CD163: variants seen among roughly 807,000 people sequenced by gnomAD.
The protein encoded by CD163 is CD163 molecule.
Under a neutral mutation model 129.2 loss-of-function variants are expected in CD163, and 64 were observed. That is an observed-to-expected ratio of 0.50 (90% CI 0.41 to 0.61). The LOEUF is 0.61. Ranked by LOEUF, CD163 falls within the 20% of genes least tolerant of loss-of-function variation. The probability of loss-of-function intolerance (pLI) is 0.00; values close to 1 mark genes in which losing one functional copy is unlikely to be tolerated. For missense variants in CD163, 1,061 were observed against 1,377.9 expected, an observed-to-expected ratio of 0.77 and a Z score of 3.64; for synonymous variants, 446 against 478.5, an observed-to-expected ratio of 0.93 and a Z score of 0.89.
chr12:7,492,799 T>C (rs1261113218), intron 6 of CD163, among the ~76,000 whole-genome samples: 1 of 152,130 alleles, frequency 6.6e-6, no homozygotes, highest in Non-Finnish European at 1.5e-5. Flanking sequence ...GAAAAAACTC[T>C]AAGTATCCTG....
intron 16 of CD163, among the ~76,000 whole-genome samples, chr12:7,474,623 G>C (rs1393125678): frequency 6.6e-6 from 1 of 151,996 alleles, no homozygotes; most frequent in Non-Finnish European, 1.5e-5. Flanking sequence ...ATCAGAAAGT[G>C]GGAAATATTT....
chr12:7,495,972 T>C (rs1949394222), intron 5 of CD163, among the ~76,000 whole-genome samples: 1 of 152,230 alleles, frequency 6.6e-6, no homozygotes, highest in Admixed American at 6.5e-5. Context: ...ATCCCATTAC[T>C]GGGTATATAC....
At chr12:7,488,879 G>T (rs1227125942) in intron 6 of CD163, among the ~76,000 whole-genome samples, 1 of 152,032 alleles carries the variant, frequency 6.6e-6, no homozygotes, top group Non-Finnish European at 1.5e-5. Context: ...ACCTAAAATT[G>T]ACCCACTTTA....
At chr12:7,499,946 A>G (rs1428378764) in intron 3 of CD163, among the ~76,000 whole-genome samples, 1 of 152,204 alleles carries the variant, frequency 6.6e-6, no homozygotes, top group Non-Finnish European at 1.5e-5. Context: ...AAGTTTAGAG[A>G]GATTTGACAA....
At chr12:7,491,346 C>T (rs1949324700) in intron 6 of CD163, among the ~76,000 whole-genome samples, 1 of 152,068 alleles carries the variant, frequency 6.6e-6, no homozygotes, top group Non-Finnish European at 1.5e-5. Flanking sequence ...ACATGTTAAT[C>T]TATCCTATGG....
chr12:7,499,073 A>C lies in CD163; in HGVS notation c.573T>G (p.Asp191Glu), dbSNP rs746176759. The change falls in exon 4 of 17, where the codon GAT (aspartate) becomes GAG (glutamate). Residue 191 changes from aspartate (D) to glutamate (E), a missense_variant. Asp to Glu is a conservative substitution (Grantham distance 45). Transcript: ENST00000432237. ...GTTGTCTACAAATGACAGATGCATGATCTATGTTGAAGTTATCATCACACA... is the reference window on the plus strand; with the variant it reads ...GTTGTCTACAAATGACAGATGCATGCTCTATGTTGAAGTTATCATCACACA... The part of the protein sequence containing the change: ...GTVCDDNFNI[D>E]HASVICRQLE... The C allele has an allele frequency of 6.2e-7, 1 of 1,614,166 alleles. No individual in the cohort carries two copies. Among genetic ancestry groups the C allele is most frequent in the Non-Finnish European group, 8.5e-7 (1 of 1,180,002 alleles).
Position 7,483,586 on chromosome 12 carries a change from A to T in CD163, c.2869T>A (p.Ser957Thr), listed in dbSNP as rs1402852735. 1.1e-5 allele frequency: 18 copies of T among 1,613,612 alleles called. No homozygotes were observed. Among genetic ancestry groups the T allele is most frequent in the Non-Finnish European group, 1.4e-5 (17 of 1,179,938 alleles). Residue 957 changes from serine to threonine, a missense_variant, in exon 12 of 17, where the codon TCT becomes ACT. By Grantham distance (58) the Ser-to-Thr change is moderately conservative (BLOSUM62 1). Coordinates refer to ENST00000432237, the MANE Select transcript of CD163 (RefSeq NM_203416.4). ...ACCTGAGCATCGTCCAAGTCCCAAG[A>T]GTCATCACACACTGTCCCCCAGGAA... ...GGSWGTVCDD[S>T]WDLDDAQVVC...
chr12:7,480,128 G>T, intron 15 of CD163: 2 of 755,996 alleles, frequency 2.6e-6, no homozygotes, highest in Non-Finnish European at 4.1e-6. Flanking sequence ...GGCAGAGAAA[G>T]TCTTTCCTAT....
At position 7,495,375 on chromosome 12, in the gene CD163, T is replaced by C. The variant is rs776483409; in HGVS notation, c.1126A>G (p.Arg376Gly). The C allele has an allele frequency of 6.2e-7, 1 of 1,613,990 alleles. No homozygotes were observed. The highest frequency in any genetic ancestry group is 1.1e-5 in the South Asian group (1 of 91,064). The change falls in exon 6 of 17, where the codon AGA (arginine) becomes GGA (glycine). Residue 376 changes from arginine (R) to glycine (G), a missense_variant. Coordinates refer to ENST00000432237, the MANE Select transcript of CD163 (RefSeq NM_203416.4). ...SDGSDLELRLRGGGSRCAGTV... is the reference protein window; with the variant it reads ...SDGSDLELRLGGGGSRCAGTV... ...CCAGCACAGCGGCTGCCTCCACCTC[T>C]AAGTCTTAGCTCCAGATCTGATCCA...
rs948037398 is a variant in CD163, at chr12:7,471,379, A to G, written c.*50T>C. The G allele has an allele frequency of 6.6e-6, 1 of 152,240 alleles. No homozygotes were observed. Among genetic ancestry groups the G allele is most frequent in the Non-Finnish European group, 1.5e-5 (1 of 68,038 alleles). 9.4% of individuals were successfully genotyped at this position (152,240 alleles called of 1,614,324 possible). On this transcript the variant is annotated 3_prime_UTR_variant, in exon 17 of 17. Transcript: ENST00000432237. ...CATTCAATAGTCCAGGTCTTCATCA[A>G]GGTATCTTAAAGGCTGAACTAAAAC...
At chr12:7,500,384 G>A (rs1275140068) in intron 3 of CD163, among the ~76,000 whole-genome samples, 1 of 123,602 alleles carries the variant, frequency 8.1e-6, no homozygotes. Context: ...TAGCGCCATC[G>A]CACTCCAGCC....
chr12:7,501,318 C>G lies in CD163; in HGVS notation c.278G>C (p.Gly93Ala). Residue 93 changes from glycine (G) to alanine (A), a missense_variant, in exon 3 of 17, where the codon GGA (glycine) becomes GCA (alanine). Gly to Ala is a moderately conservative substitution (Grantham distance 60, BLOSUM62 0). Coordinates refer to ENST00000432237, the MANE Select transcript of CD163 (RefSeq NM_203416.4). ...AGGGGCTTTGATAGCAGTTGGACAT[C>G]CCAGCTGGTTACAAATCACAGAGAC... ...EAVSVICNQL[G>A]CPTAIKAPGW... is the part of the protein sequence containing the mutation. 1 of 1,614,154 alleles carries G rather than the reference C, an allele frequency of 6.2e-7. No individual in the cohort carries two copies. The highest frequency in any genetic ancestry group is 1.1e-5 in the South Asian group (1 of 91,086).
intron 5 of CD163, 35 bp from the exon 6 acceptor site, chr12:7,495,436 A>C: frequency 6.4e-7 from 1 of 1,573,696 alleles, no homozygotes; most frequent in Non-Finnish European, 8.7e-7. Context: ...CCATCGATAC[A>C]TATGGAGGTT....
rs1949231069 is a variant in CD163 at position 7,485,187 on chromosome 12, T to C, written c.2688A>G (p.Pro896=). The C allele has an allele frequency of 6.2e-7, 1 of 1,614,058 alleles. No individual in the cohort carries two copies. ...IPMWVDNVQC[P]KGPDTLWQCP... ...ACTGCCACAGCGTGTCAGGTCCTTT[T>C]GGACACTGAACATTGTCCACCCACA... Residue 896 remains proline (P), a synonymous_variant, in exon 11 of 17, where the codon CCA becomes CCG. Coordinates refer to ENST00000432237, the MANE Select transcript of CD163 (RefSeq NM_203416.4). The surrounding 1 kb of genome is among the most constrained non-coding windows in gnomAD (Gnocchi z 4.5).
At chr12:7,502,774 C>A in intron 1 of CD163, 1 of 591,702 alleles carries the variant, frequency 1.7e-6, no homozygotes. Flanking sequence ...TATAGGCAAC[C>A]TAGAGGTGAC....
chr12:7,488,881 C>T (rs1219630740), intron 6 of CD163, among the ~76,000 whole-genome samples: 3 of 152,102 alleles, frequency 2.0e-5, no homozygotes, highest in Admixed American at 6.6e-5. Context: ...CTAAAATTGA[C>T]CCACTTTATC....
chr12:7,500,558 G>T (rs970595986), intron 3 of CD163, among the ~76,000 whole-genome samples: 25 of 152,026 alleles, frequency 1.6e-4, no homozygotes, highest in African/African-American at 6.0e-4. Context: ...TTATTGTGGG[G>T]TCAATTGCAA....
intron 16 of CD163, among the ~76,000 whole-genome samples, chr12:7,472,165 G>A (rs934297482): frequency 1.3e-5 from 2 of 152,226 alleles, no homozygotes; most frequent in African/African-American, 4.8e-5. Flanking sequence ...TTCTGGCTCT[G>A]AAGAGAGCAG....
chr12:7,480,143 T>C, intron 15 of CD163: 1 of 660,416 alleles, frequency 1.5e-6, no homozygotes, highest in South Asian at 2.1e-5. Flanking sequence ...TCCTATTTCT[T>C]AAATATGTTT....
Sources: allele counts gnomAD v4.1 joint callset (sites outside exome capture counted in the v4.1 genomes callset), GRCh38; gene constraint gnomAD v4.1.1; non-coding constraint Gnocchi (gnomAD v3.1); transcripts MANE v1.5; gene names NCBI Gene and HGNC (gene_info 2026-07-23, HGNC 2026-07-21).